Variants in SLC44A5 observed in about 807,000 individuals in gnomAD.
The protein encoded by SLC44A5 is solute carrier family 44 member 5, also known as choline transporter-like protein 5.
In SLC44A5, 57 loss-of-function variants were observed where a neutral mutation model predicts 101.8. That is an observed-to-expected ratio of 0.56 (90% CI 0.45 to 0.70). SLC44A5 has a LOEUF of 0.70. Among genes scored for constraint, SLC44A5 ranks in the 30% least tolerant of loss-of-function variants. The pLI, the probability that SLC44A5 is intolerant of heterozygous loss-of-function variation, is 0.00. For missense variants in SLC44A5, 737 were observed against 853.1 expected (o/e 0.86, Z 1.70); for synonymous variants, 281 against 290.9 (o/e 0.97, Z 0.35).
chr1:75,588,456 T>G (rs527509373), intron 1 of SLC44A5, among the ~76,000 whole-genome samples: 1 of 152,100 alleles, frequency 6.6e-6, no homozygotes, highest in South Asian at 2.1e-4. Context: ...GAGAGTGAAG[T>G]TGAAAGGTTA....
chr1:75,481,729 G>A (rs972304550), intron 2 of SLC44A5, among the ~76,000 whole-genome samples: 5 of 152,124 alleles, frequency 3.3e-5, no homozygotes, highest in Non-Finnish European at 5.9e-5. Flanking sequence ...CAGTTACAAT[G>A]GCAACCATGA....
chr1:75,396,678 T>A (rs774800244), intron 2 of SLC44A5, 57 bp from the exon 3 acceptor site: 1 of 1,298,642 alleles, frequency 7.7e-7, no homozygotes, highest in Non-Finnish European at 1.1e-6. Flanking sequence ...GACTCTGAGG[T>A]TCTATACACA....
chr1:75,467,986 AT>A (rs1323753341), intron 2 of SLC44A5, among the ~76,000 whole-genome samples: 2 of 152,158 alleles, frequency 1.3e-5, no homozygotes, highest in Non-Finnish European at 2.9e-5. Context: ...TAGGAAAAAA[AT>A]CTAATAATCC....
intron 1 of SLC44A5, among the ~76,000 whole-genome samples, chr1:75,601,470 T>C (rs1674978996): frequency 6.6e-6 from 1 of 151,982 alleles, no homozygotes; most frequent in Admixed American, 6.6e-5. Context: ...CACTATGGCA[T>C]GTGTACACCT....
chr1:75,226,462 C>T (rs1279096266), intron 13 of SLC44A5, among the ~76,000 whole-genome samples: 1 of 152,102 alleles, frequency 6.6e-6, no homozygotes, highest in Admixed American at 6.6e-5. Context: ...AATGTCTGCA[C>T]TTTGGTCACC....
chr1:75,295,710 A>G (rs1027996238), intron 5 of SLC44A5, among the ~76,000 whole-genome samples: 2 of 152,302 alleles, frequency 1.3e-5, no homozygotes, highest in South Asian at 4.1e-4. Flanking sequence ...GAGCCACTAC[A>G]GTAGTGGGAA....
At chr1:75,219,732 C>A in intron 15 of SLC44A5, 68 bp downstream of exon 15, 2 of 1,002,592 alleles carry the variant, frequency 2.0e-6, no homozygotes, top group Non-Finnish European at 3.1e-6. Context: ...AAACACTGAA[C>A]ACAAACTCCT....
At chr1:75,401,924 T>C (rs1434317416) in intron 2 of SLC44A5, among the ~76,000 whole-genome samples, 1 of 152,114 alleles carries the variant, frequency 6.6e-6, no homozygotes, top group African/African-American at 2.4e-5. Context: ...GCAGACAAAA[T>C]TTCAAGAAAA....
intron 2 of SLC44A5, among the ~76,000 whole-genome samples, chr1:75,491,723 G>C (rs528176889): frequency 6.8e-6 from 1 of 146,286 alleles, no homozygotes; most frequent in South Asian, 2.1e-4. Flanking sequence ...ACACAAGCAC[G>C]CACGCACGCA....
chr1:75,492,541 A>T (rs139783636), intron 2 of SLC44A5, among the ~76,000 whole-genome samples: 3 of 152,344 alleles, frequency 2.0e-5, no homozygotes, highest in South Asian at 4.1e-4. Flanking sequence ...TTATAGTCTA[A>T]TAAGGAAGAT....
intron 2 of SLC44A5, among the ~76,000 whole-genome samples, chr1:75,512,220 C>G (rs1570487513): frequency 6.6e-6 from 1 of 152,214 alleles, no homozygotes; most frequent in Middle Eastern, 3.4e-3. Flanking sequence ...TATTTACAAG[C>G]AGATTTTCAA....
intron 5 of SLC44A5, among the ~76,000 whole-genome samples, chr1:75,281,082 G>A (rs1437416552): frequency 6.6e-6 from 1 of 152,048 alleles, no homozygotes; most frequent in Non-Finnish European, 1.5e-5. Flanking sequence ...GGACAGTTTG[G>A]AACTTCCTAG....
intron 7 of SLC44A5, among the ~76,000 whole-genome samples, chr1:75,248,948 G>A (rs775717970): frequency 7.2e-5 from 11 of 152,092 alleles, no homozygotes; most frequent in Non-Finnish European, 1.6e-4. Context: ...TGAGGGAGCT[G>A]AGCAATACTT....
At chr1:75,506,991 T>C (rs1377880534) in intron 2 of SLC44A5, among the ~76,000 whole-genome samples, 1 of 142,318 alleles carries the variant, frequency 7.0e-6, no homozygotes, top group East Asian at 2.3e-4. Context: ...CTCACTGTAA[T>C]CTCTGCCTCC....
the SLC44A5 span, among the ~76,000 whole-genome samples, chr1:75,634,035 G>A: frequency 0.15 from 22,135 of 151,860 alleles, 1,916 homozygotes; most frequent in East Asian, 0.25. Flanking sequence ...ATTGATTTGC[G>A]TATATTGAAC....
intron 2 of SLC44A5, among the ~76,000 whole-genome samples, chr1:75,477,903 G>T (rs553560315): frequency 3.6e-4 from 55 of 151,914 alleles, no homozygotes; most frequent in African/African-American, 1.3e-3. Flanking sequence ...TACAGAGAAC[G>T]CCACAAAGAT....
At chr1:75,645,445 A>G in the SLC44A5 span, among the ~76,000 whole-genome samples, 1 of 151,978 alleles carries the variant, frequency 6.6e-6, no homozygotes, top group Non-Finnish European at 1.5e-5. Flanking sequence ...GTGTCTGTTC[A>G]TATCCTTCGC....
At chr1:75,459,041 G>C (rs1215790647) in intron 2 of SLC44A5, among the ~76,000 whole-genome samples, 1 of 152,166 alleles carries the variant, frequency 6.6e-6, no homozygotes, top group Non-Finnish European at 1.5e-5. Flanking sequence ...GATGAGCTCA[G>C]AGAGTGAAAA....
At chr1:75,573,215 G>C (rs1220478684) in intron 1 of SLC44A5, among the ~76,000 whole-genome samples, 1 of 141,806 alleles carries the variant, frequency 7.1e-6, no homozygotes, top group African/African-American at 2.7e-5. Flanking sequence ...TAGAAATATA[G>C]ATATAACAAT....
Sources: allele counts gnomAD v4.1 joint callset (sites outside exome capture counted in the v4.1 genomes callset), GRCh38; gene constraint gnomAD v4.1.1; transcripts MANE v1.5; gene names NCBI Gene and HGNC (gene_info 2026-07-23, HGNC 2026-07-21).